DNAH7: variants seen among roughly 807,000 people sequenced by gnomAD.
DNAH7 encodes dynein axonemal heavy chain 7, also known as axonemal beta dynein heavy chain 7.
Under a neutral mutation model 444.6 loss-of-function variants are expected in DNAH7, and 397 were observed. The ratio of observed to expected loss-of-function variants is 0.89; its 90% CI spans 0.82 to 0.97. The LOEUF is 0.97. DNAH7 is among the 50% of genes least tolerant of loss of function. The pLI is 0.00. For synonymous variants in DNAH7, 1,636 were observed against 1,624.4 expected (o/e 1.01, Z -0.17); for missense variants, 4,902 against 4,800.8 (o/e 1.02, Z -0.62).
intron 54 of DNAH7, among the ~76,000 whole-genome samples, chr2:195,802,846 C>T (rs1248195354): frequency 6.6e-6 from 1 of 152,144 alleles, no homozygotes; most frequent in Non-Finnish European, 1.5e-5. Flanking sequence ...TCTGGTCATC[C>T]ACCCTGCCAC....
At chr2:195,924,703 C>T (rs1257442655) in intron 22 of DNAH7, among the ~76,000 whole-genome samples, 2 of 148,846 alleles carry the variant, frequency 1.3e-5, no homozygotes, top group African/African-American at 5.0e-5. Flanking sequence ...CCTCTAGTAA[C>T]TCTCACATAA....
In DNAH7 at chr2:195,782,972, C is replaced by T. The variant is rs147808054; in HGVS notation, c.10878+4038G>A. Among the ~76,000 whole-genome samples, 20 of 152,302 alleles carry T rather than the reference C, an allele frequency of 1.3e-4. No homozygotes were observed. The East Asian group carries it at 3.9e-3, about 29-fold the overall frequency. ...CCTATAAATCTCTATTTTGTGCTCTCTCTTCCCTTGAGTTTTATATCTATA... is the reference window on the plus strand; with the variant it reads ...CCTATAAATCTCTATTTTGTGCTCTTTCTTCCCTTGAGTTTTATATCTATA... On this transcript the variant is annotated intron_variant, in intron 58 of 64. Transcript: ENST00000312428.
intron 19 of DNAH7, among the ~76,000 whole-genome samples, chr2:195,954,005 G>A (rs1454686053): frequency 1.3e-5 from 2 of 152,124 alleles, no homozygotes; most frequent in African/African-American, 4.8e-5. Flanking sequence ...AAGCAGATGA[G>A]AAAGACAATC....
At chr2:196,068,596 A>C (rs935557704) in intron 1 of DNAH7, 101 bp downstream of exon 1, 10 of 1,477,894 alleles carry the variant, frequency 6.8e-6, no homozygotes, top group Non-Finnish European at 9.1e-6. Flanking sequence ...CCGCGGAGTC[A>C]CAGCTGGGGA....
At chr2:195,866,783 G>T (rs561537629) in intron 40 of DNAH7, among the ~76,000 whole-genome samples, 162 of 152,222 alleles carry the variant, frequency 1.1e-3, no homozygotes, top group Non-Finnish European at 1.9e-3. Flanking sequence ...TACAGATATG[G>T]TTTGGCTGTG....
intron 32 of DNAH7, 118 bp downstream of exon 32, chr2:195,888,681 G>T: frequency 9.0e-7 from 1 of 1,105,562 alleles, no homozygotes; most frequent in Non-Finnish European, 1.3e-6. Context: ...GAGAATCACA[G>T]ATCGCTCTTA....
intron 5 of DNAH7, among the ~76,000 whole-genome samples, chr2:196,038,706 T>C (rs1696544117): frequency 6.6e-6 from 1 of 152,166 alleles, no homozygotes; most frequent in Non-Finnish European, 1.5e-5. Flanking sequence ...TTTTAGTCCA[T>C]GTGTGCCTTT....
intron 63 of DNAH7, among the ~76,000 whole-genome samples, chr2:195,753,049 T>C (rs941519219): frequency 6.6e-6 from 1 of 152,148 alleles, no homozygotes; most frequent in Admixed American, 6.5e-5. Context: ...TGTTGTAGGC[T>C]GACAAGAAGT....
At chr2:195,805,587 T>A (rs148583483) in intron 54 of DNAH7, among the ~76,000 whole-genome samples, 1 of 152,268 alleles carries the variant, frequency 6.6e-6, no homozygotes, top group African/African-American at 2.4e-5. Context: ...CAGAGTGACT[T>A]TCGTGGACCC....
chr2:195,780,882 T>C (rs1281719614), intron 58 of DNAH7, among the ~76,000 whole-genome samples: 2 of 152,112 alleles, frequency 1.3e-5, no homozygotes, highest in East Asian at 1.9e-4. Context: ...CTAAAGTGCA[T>C]AGATCTGACA....
chr2:196,024,601 T>A, intron 7 of DNAH7, 97 bp from the exon 8 acceptor site: 1 of 631,378 alleles, frequency 1.6e-6, no homozygotes, highest in Non-Finnish European at 2.5e-6. Context: ...ATTAACTGTT[T>A]AAATTATATT....
chr2:195,963,361 A>G (rs910585239), intron 17 of DNAH7, among the ~76,000 whole-genome samples: 2 of 152,166 alleles, frequency 1.3e-5, no homozygotes, highest in Non-Finnish European at 2.9e-5. Flanking sequence ...CTGATAATCA[A>G]TGATGTTGAA....
intron 1 of DNAH7, chr2:196,068,468 C>A (rs1179946230): frequency 8.6e-6 from 5 of 578,934 alleles, no homozygotes; most frequent in Non-Finnish European, 1.5e-5. Flanking sequence ...CGCCGCTAGG[C>A]GGCTAGGTTT....
chr2:195,873,062 T>C (rs991813577), intron 39 of DNAH7, among the ~76,000 whole-genome samples: 1 of 152,158 alleles, frequency 6.6e-6, no homozygotes, highest in South Asian at 2.1e-4. Context: ...AGCCAGGTGT[T>C]TACTCCATCA....
At chr2:195,818,663 A>C (rs1697329589) in intron 49 of DNAH7, among the ~76,000 whole-genome samples, 1 of 152,098 alleles carries the variant, frequency 6.6e-6, no homozygotes, top group Non-Finnish European at 1.5e-5. Context: ...TTATTTCATG[A>C]TACAGCCCTT....
intron 24 of DNAH7, among the ~76,000 whole-genome samples, chr2:195,919,385 C>T (rs927412452): frequency 2.0e-5 from 3 of 152,086 alleles, no homozygotes; most frequent in Non-Finnish European, 4.4e-5. Flanking sequence ...TGCTCTGTCA[C>T]CCAGGCTGGA....
chr2:195,833,616 T>C (rs1485428771), intron 48 of DNAH7, among the ~76,000 whole-genome samples: 1 of 152,224 alleles, frequency 6.6e-6, no homozygotes, highest in Admixed American at 6.5e-5. Context: ...TCACAAGTTT[T>C]CTGTTTTTCG....
chr2:195,774,934 C>A lies in DNAH7; in HGVS notation c.11202+912G>T, dbSNP rs371029775. Among the ~76,000 whole-genome samples the A allele has an allele frequency of 2.0e-5, 3 of 152,292 alleles. No homozygotes were observed. In the East Asian group the frequency reaches 5.8e-4, roughly 29 times the overall value. ...TATTGAATCATTATGGGAACTCTTG[C>A]CATTTGGACTAATTTCCTTTCAAAA... On this transcript the variant is annotated intron_variant, in intron 60 of 64. Transcript: ENST00000312428.
intron 15 of DNAH7, among the ~76,000 whole-genome samples, chr2:195,974,909 A>G (rs1335627045): frequency 6.6e-6 from 1 of 152,176 alleles, no homozygotes; most frequent in Non-Finnish European, 1.5e-5. Flanking sequence ...TTTTCATTTA[A>G]GTGAATGATT....
Sources: gnomAD v4.1 joint callset for allele counts (sites outside exome capture counted in the v4.1 genomes callset) on GRCh38, gnomAD v4.1.1 for gene constraint, MANE v1.5 for transcripts, NCBI Gene and HGNC (gene_info 2026-07-23, HGNC 2026-07-21) for gene names.